GOLM2: variants seen among roughly 807,000 people sequenced by gnomAD.
GOLM2 encodes the protein golgi membrane protein 2.
In GOLM2, 26 loss-of-function variants were observed where a neutral mutation model predicts 55.9. The observed-to-expected ratio is 0.47, with a 90% CI of 0.34 to 0.65. The LOEUF (loss-of-function observed/expected upper bound fraction) is 0.65, where lower values mean the gene tolerates loss of function less well. Ranked by LOEUF, GOLM2 falls within the 30% of genes least tolerant of loss-of-function variation. The probability of loss-of-function intolerance (pLI) is 0.01; values close to 1 mark genes in which losing one functional copy is unlikely to be tolerated. For synonymous variants in GOLM2, 165 were observed against 194.6 expected (o/e 0.85, Z 1.27); for missense variants, 486 against 531.8 (o/e 0.91, Z 0.85).
chr15:44,400,627 A>AGT (rs1457197107), intron 8 of GOLM2, among the ~76,000 whole-genome samples: 1 of 117,764 alleles, frequency 8.5e-6, no homozygotes, highest in African/African-American at 3.4e-5. Context: ...CCCAGGCTGG[A>AGT]GTACAGTGGC....
intron 4 of GOLM2, 117 bp downstream of exon 4, chr15:44,332,195 A>C (rs2079026932): frequency 1.7e-6 from 1 of 587,120 alleles, no homozygotes; most frequent in African/African-American, 1.9e-5. Context: ...CAGCCAGCCT[A>C]ATTCCAAAAG....
chr15:44,372,943 TTCC>T (rs1267788951), intron 6 of GOLM2, among the ~76,000 whole-genome samples: 7 of 152,176 alleles, frequency 4.6e-5, no homozygotes, highest in Non-Finnish European at 1.0e-4. Context: ...GCTCAAATGA[TTCC>T]TCCTCAAAAA....
intron 1 of GOLM2, among the ~76,000 whole-genome samples, chr15:44,292,417 C>T (rs1384837902): frequency 3.3e-5 from 5 of 152,058 alleles, no homozygotes; most frequent in Non-Finnish European, 5.9e-5. Context: ...AAGATGGTCT[C>T]GATCTCCTGA....
At chr15:44,352,854 C>G (rs1454880932) in intron 6 of GOLM2, among the ~76,000 whole-genome samples, 3 of 151,320 alleles carry the variant, frequency 2.0e-5, no homozygotes, top group Admixed American at 2.0e-4. Flanking sequence ...TGCAGTGAGC[C>G]CAGATCGCGC....
At chr15:44,313,678 T>A (rs1028788529) in intron 1 of GOLM2, among the ~76,000 whole-genome samples, 1 of 152,226 alleles carries the variant, frequency 6.6e-6, no homozygotes, top group Non-Finnish European at 1.5e-5. Flanking sequence ...TGTTTCTTTG[T>A]GACTGGCTGA....
intron 9 of GOLM2, among the ~76,000 whole-genome samples, chr15:44,405,071 C>A (rs2079589084): frequency 6.6e-6 from 1 of 152,050 alleles, no homozygotes; most frequent in East Asian, 1.9e-4. Context: ...GGATTTCAAT[C>A]TATTGTAAGT....
chr15:44,328,884 T>C lies in GOLM2; in HGVS notation c.485+97T>C, dbSNP rs1030691604. The C allele has an allele frequency of 1.9e-5, 14 of 740,760 alleles. No individual in the cohort carries two copies. In the Admixed American group the frequency reaches 4.5e-4, roughly 24 times the overall value. 45.9% of individuals were successfully genotyped at this position (740,760 alleles called of 1,614,324 possible). Reference sequence around the variant, plus strand: ...TTTCTCTCTGACTTTTGTTTCCCTTTTTTTCTCTTCTTTCATTTTGTTAAG... The same window carrying C: ...TTTCTCTCTGACTTTTGTTTCCCTTCTTTTCTCTTCTTTCATTTTGTTAAG... On this transcript the variant is annotated intron_variant, in intron 3 of 9. Coordinates refer to ENST00000299957, the MANE Select transcript of GOLM2 (RefSeq NM_138423.4).
At chr15:44,305,125 C>T (rs765734511) in intron 1 of GOLM2, among the ~76,000 whole-genome samples, 99 of 152,052 alleles carry the variant, frequency 6.5e-4, no homozygotes, top group Non-Finnish European at 9.1e-4. Flanking sequence ...CTCAGCCTTC[C>T]GAGTAGCTGG....
chr15:44,307,762 G>C (rs774776472), intron 1 of GOLM2: 19 of 152,094 alleles, frequency 1.2e-4, no homozygotes, highest in Non-Finnish European at 2.5e-4. Flanking sequence ...AGGGGTTTGA[G>C]AATACAGAGG....
chr15:44,311,737 C>T (rs1398475352), intron 1 of GOLM2, among the ~76,000 whole-genome samples: 1 of 152,144 alleles, frequency 6.6e-6, no homozygotes, highest in African/African-American at 2.4e-5. Flanking sequence ...GCAACCTCTG[C>T]CTCCCGGGTT....
rs981165047 is a variant in GOLM2, at chr15:44,322,067, T to G, written c.328-898T>G. 1.9e-4 allele frequency among the ~76,000 whole-genome samples: 28 copies of G among 150,932 alleles called. 1 individual carries two copies. Among genetic ancestry groups the G allele is most frequent in the Admixed American group, 9.9e-4 (15 of 15,160 alleles). On this transcript the variant is annotated intron_variant, in intron 1 of 9. Coordinates refer to ENST00000299957, the MANE Select transcript of GOLM2 (RefSeq NM_138423.4). ...AAAGCAAGACTCTGAAAAAAAAAAGTTTAAAAATATATTCTTCAGGCCAGG... is the reference window on the plus strand; with the variant it reads ...AAAGCAAGACTCTGAAAAAAAAAAGGTTAAAAATATATTCTTCAGGCCAGG...
At chr15:44,412,992 G>A (rs2079648392) in intron 9 of GOLM2, among the ~76,000 whole-genome samples, 1 of 149,620 alleles carries the variant, frequency 6.7e-6, no homozygotes, top group Non-Finnish European at 1.5e-5. Context: ...AACGGAGTGA[G>A]AGTCGGTCTC....
intron 6 of GOLM2, among the ~76,000 whole-genome samples, chr15:44,361,501 A>C (rs1398500283): frequency 1.3e-5 from 2 of 152,160 alleles, no homozygotes; most frequent in Non-Finnish European, 2.9e-5. Flanking sequence ...ACCAGGAAGA[A>C]GTTGAATCTC....
intron 4 of GOLM2, among the ~76,000 whole-genome samples, chr15:44,332,279 G>A (rs568522371): frequency 2.0e-5 from 3 of 152,108 alleles, no homozygotes; most frequent in South Asian, 4.1e-4. Context: ...AAAACTGGTC[G>A]GGCACGGTGG....
chr15:44,318,006 A>G (rs1567024132), intron 1 of GOLM2, among the ~76,000 whole-genome samples: 1 of 152,228 alleles, frequency 6.6e-6, no homozygotes, highest in East Asian at 1.9e-4. Context: ...AGAAATTGAA[A>G]AGACCTTTTC....
At chr15:44,301,542 C>A (rs1327884223) in intron 1 of GOLM2, among the ~76,000 whole-genome samples, 2 of 151,946 alleles carry the variant, frequency 1.3e-5, no homozygotes, top group South Asian at 2.1e-4. Flanking sequence ...ATGGAACTTA[C>A]CCTTGAGCAG....
chr15:44,391,286 G>A (rs549946738), intron 8 of GOLM2, among the ~76,000 whole-genome samples: 12 of 151,932 alleles, frequency 7.9e-5, no homozygotes, highest in African/African-American at 2.4e-4. Flanking sequence ...AGGCTGAGGC[G>A]GGCAGATCAC....
Position 44,302,410 on chromosome 15 carries a change from G to T in GOLM2, c.327+13054G>T, listed in dbSNP as rs145794139. 1.7e-3 allele frequency among the ~76,000 whole-genome samples: 258 copies of T among 152,196 alleles called. 3 individuals are homozygous for T. Among genetic ancestry groups the T allele is most frequent in the African/African-American group, 5.8e-3 (242 of 41,534 alleles). The stretch of plus-strand genomic sequence containing the variant: ...TCTGTTCACCTCGGCCTCCCAAAGT[G>T]CTGGGATTATAGGCATGAGCCACCA... On this transcript the variant is annotated intron_variant, in intron 1 of 9. Transcript: ENST00000299957.
rs142046627 is a variant in GOLM2, at chr15:44,354,942, A to G, written c.802+16625A>G. 252 of 153,650 alleles carry G rather than the reference A, an allele frequency of 1.6e-3. 1 individual carries two copies. The highest frequency in any genetic ancestry group is 2.9e-3 in the Non-Finnish European group (199 of 68,846). 9.5% of individuals were successfully genotyped at this position (153,650 alleles called of 1,614,324 possible). On this transcript the variant is annotated intron_variant, in intron 6 of 9. Transcript: ENST00000299957. ...CATCTTCCAGGAGCAAGATACCACCAAAATCAAATGCAGTGATGCTGGCAC... is the reference window on the plus strand; with the variant it reads ...CATCTTCCAGGAGCAAGATACCACCGAAATCAAATGCAGTGATGCTGGCAC...
Sources: gnomAD v4.1 joint callset for allele counts (sites outside exome capture counted in the v4.1 genomes callset) on GRCh38, gnomAD v4.1.1 for gene constraint, MANE v1.5 for transcripts, NCBI Gene and HGNC (gene_info 2026-07-23, HGNC 2026-07-21) for gene names.